Variants in MBNL2 observed in about 807,000 individuals in gnomAD.
MBNL2 encodes muscleblind like splicing regulator 2.
Under a neutral mutation model 41.9 loss-of-function variants are expected in MBNL2, and 17 were observed. The ratio of observed to expected loss-of-function variants is 0.41; its 90% CI spans 0.28 to 0.61. The LOEUF (loss-of-function observed/expected upper bound fraction) is 0.61, where lower values mean the gene tolerates loss of function less well. Among genes scored for constraint, MBNL2 ranks in the 20% least tolerant of loss-of-function variants. MBNL2 has a pLI of 0.35. For missense variants in MBNL2, 336 were observed against 505.6 expected (o/e 0.66, Z 3.22); for synonymous variants, 195 against 182.9 (o/e 1.07, Z -0.53).
chr13:97,379,284 A>C (rs1472536558), intron 8 of MBNL2, among the ~76,000 whole-genome samples: 1 of 152,228 alleles, frequency 6.6e-6, no homozygotes, highest in Non-Finnish European at 1.5e-5. Context: ...GCTAGAAAGC[A>C]CTGAGAAAAG....
At chr13:97,303,432 A>G (rs2057831132) in intron 2 of MBNL2, among the ~76,000 whole-genome samples, 1 of 152,198 alleles carries the variant, frequency 6.6e-6, no homozygotes, top group African/African-American at 2.4e-5. Flanking sequence ...TTAGCACCAT[A>G]GAAGTAAATA....
the MBNL2 span, among the ~76,000 whole-genome samples, chr13:97,190,576 TATAATTTTGTCC>T: frequency 6.6e-6 from 1 of 152,222 alleles, no homozygotes. Context: ...GTCAAAAGGC[TATAATTTTGTCC>T]ACATACATCT....
At chr13:97,147,638 T>A in the MBNL2 span, among the ~76,000 whole-genome samples, 1 of 152,198 alleles carries the variant, frequency 6.6e-6, no homozygotes, top group African/African-American at 2.4e-5. Context: ...ATGACAGCTT[T>A]CTAAGTCCTT....
chr13:97,308,401 C>G (rs998916093), intron 2 of MBNL2, among the ~76,000 whole-genome samples: 1 of 152,160 alleles, frequency 6.6e-6, no homozygotes, highest in Non-Finnish European at 1.5e-5. Flanking sequence ...CAAATCCATC[C>G]CCTCTGTTAG....
chr13:97,312,882 A>G (rs2058730898), intron 2 of MBNL2, among the ~76,000 whole-genome samples: 2 of 152,218 alleles, frequency 1.3e-5, no homozygotes, highest in South Asian at 2.1e-4. Flanking sequence ...TCTGCATTTT[A>G]TTCCTCACAG....
chr13:97,175,818 C>CAG, the MBNL2 span, among the ~76,000 whole-genome samples: 14,496 of 152,130 alleles, frequency 0.095, 744 homozygotes, highest in South Asian at 0.17. Context: ...AGCTAAGGGG[C>CAG]ACTCAGGACC....
chr13:97,175,527 G>A, the MBNL2 span, among the ~76,000 whole-genome samples: 1 of 152,138 alleles, frequency 6.6e-6, no homozygotes, highest in African/African-American at 2.4e-5. Flanking sequence ...ATGAGATGGT[G>A]GCCAAATTGC....
chr13:97,217,098 ACATAT>A (rs1448532508), upstream of MBNL2, among the ~76,000 whole-genome samples: 1 of 148,510 alleles, frequency 6.7e-6, no homozygotes, highest in Non-Finnish European at 1.5e-5. Context: ...TATGATATAT[ACATAT>A]CATATACAGT....
chr13:97,221,662 A>T (rs1232006173), upstream of MBNL2: 2 of 152,190 alleles, frequency 1.3e-5, no homozygotes, highest in East Asian at 3.8e-4. Context: ...TAGTGTATAG[A>T]TATCAATTTT....
At chr13:97,222,302 G>A (rs749078893), upstream of MBNL2, 5 of 397,734 alleles carry the variant, frequency 1.3e-5, no homozygotes, top group Non-Finnish European at 2.2e-5. Flanking sequence ...TTTGTCGGAA[G>A]GAAGGGCTGC....
Position 97,349,542 on chromosome 13 carries a change from G to T in MBNL2, c.804+2475G>T, listed in dbSNP as rs185986100. Among the ~76,000 whole-genome samples the T allele has an allele frequency of 2.0e-5, 3 of 152,064 alleles. No homozygotes were observed. The East Asian group carries it at 5.8e-4, about 29-fold the overall frequency. On this transcript the variant is annotated intron_variant, in intron 5 of 8. Coordinates refer to ENST00000679496, the MANE Select transcript of MBNL2 (RefSeq NM_001382683.1). ...AAATTTGTTTATTTATTTGTTTTTT[G>T]AGACAGAGTCTTGCTCTGTCAGTCA...
Position 97,343,209 on chromosome 13 carries a change from A to G in MBNL2, c.533A>G (p.Lys178Arg), listed in dbSNP as rs574735761. 11 of 1,599,752 alleles carry G rather than the reference A, an allele frequency of 6.9e-6. No homozygotes were observed. Among genetic ancestry groups the G allele is most frequent in the Non-Finnish European group, 7.7e-6 (9 of 1,172,078 alleles). The change falls in exon 4 of 9, where the codon AAA (lysine) becomes AGA (arginine). Residue 178 changes from lysine to arginine, a missense_variant. Physicochemically the swap from Lys to Arg is conservative, Grantham distance 26 (BLOSUM62 2). Transcript: ENST00000679496. ...ACTCAGAAACTTCTCAGGACTGACAAACTGGAGGTACTTCAATTCTACTTG... is the reference window on the plus strand; with the variant it reads ...ACTCAGAAACTTCTCAGGACTGACAGACTGGAGGTACTTCAATTCTACTTG... ...TATQKLLRTDKLEVCREFQRG... is the reference protein window; with the variant it reads ...TATQKLLRTDRLEVCREFQRG...
chr13:97,368,213 C>A (rs1594275933), intron 8 of MBNL2, among the ~76,000 whole-genome samples: 1 of 152,120 alleles, frequency 6.6e-6, no homozygotes, highest in East Asian at 1.9e-4. Flanking sequence ...AGTTGGAGAC[C>A]AGCCTGAGCA....
intron 1 of MBNL2, among the ~76,000 whole-genome samples, chr13:97,260,964 T>C (rs930531695): frequency 6.6e-6 from 1 of 152,140 alleles, no homozygotes; most frequent in Non-Finnish European, 1.5e-5. Context: ...CAGTAAGTGT[T>C]TGTTCTGAGC....
chr13:97,295,728 G>T (rs1404434500), intron 2 of MBNL2, among the ~76,000 whole-genome samples: 1 of 152,092 alleles, frequency 6.6e-6, no homozygotes, highest in African/African-American at 2.4e-5. Context: ...TAACAGTTTG[G>T]GGACTCATAA....
the MBNL2 span, among the ~76,000 whole-genome samples, chr13:97,186,999 C>T: frequency 6.6e-6 from 1 of 152,176 alleles, no homozygotes; most frequent in African/African-American, 2.4e-5. Flanking sequence ...CTTCCCCTGC[C>T]TTATTGCCAC....
chr13:97,145,912 T>C, the MBNL2 span, among the ~76,000 whole-genome samples: 1 of 152,158 alleles, frequency 6.6e-6, no homozygotes, highest in African/African-American at 2.4e-5. Flanking sequence ...ATTGGATGTG[T>C]ATAGCAGGCT....
intron 2 of MBNL2, among the ~76,000 whole-genome samples, chr13:97,312,756 G>C (rs1045149577): frequency 6.6e-6 from 1 of 151,948 alleles, no homozygotes; most frequent in Non-Finnish European, 1.5e-5. Context: ...TCCTCTTTTG[G>C]CATTGAAAAA....
the MBNL2 span, among the ~76,000 whole-genome samples, chr13:97,147,866 G>A: frequency 1.3e-5 from 2 of 152,132 alleles, no homozygotes; most frequent in Admixed American, 6.6e-5. Context: ...GAGTTAGGGG[G>A]CAGTAATAAA....
Sources: allele counts gnomAD v4.1 joint callset (sites outside exome capture counted in the v4.1 genomes callset), GRCh38; gene constraint gnomAD v4.1.1; transcripts MANE v1.5; gene names NCBI Gene and HGNC (gene_info 2026-07-23, HGNC 2026-07-21).